SLC17A1: variants seen among roughly 807,000 people sequenced by gnomAD.
SLC17A1 encodes the protein solute carrier family 17 member 1, also known as sodium-dependent phosphate transport protein 1.
Under a neutral mutation model 53.5 loss-of-function variants are expected in SLC17A1, and 51 were observed. The observed-to-expected ratio is 0.95, with a 90% CI of 0.76 to 1.20. The LOEUF (loss-of-function observed/expected upper bound fraction) is 1.20, where lower values mean the gene tolerates loss of function less well. SLC17A1 is among the 50% of genes most tolerant of loss of function. SLC17A1 has a pLI of 0.00. For missense variants in SLC17A1, 538 were observed against 568.2 expected (o/e 0.95, Z 0.54); for synonymous variants, 179 against 198.8 (o/e 0.90, Z 0.84).
intron 5 of SLC17A1, 66 bp from the exon 6 acceptor site, chr6:25,819,220 C>T: frequency 9.0e-7 from 1 of 1,111,824 alleles, no homozygotes; most frequent in Non-Finnish European, 1.3e-6. Context: ...ATAATGTAGC[C>T]TCACTGTAGC....
chr6:25,724,377 C>G, the SLC17A1 span, among the ~76,000 whole-genome samples: 1 of 152,192 alleles, frequency 6.6e-6, no homozygotes, highest in Non-Finnish European at 1.5e-5. Flanking sequence ...GAGCCGAGAT[C>G]ACGCCACTGC....
intron 12 of SLC17A1, among the ~76,000 whole-genome samples, chr6:25,787,641 G>T (rs1763413240): frequency 6.6e-6 from 1 of 152,182 alleles, no homozygotes; most frequent in South Asian, 2.1e-4. Context: ...TCCCTTAGCT[G>T]CTCTGCAGAT....
intron 12 of SLC17A1, among the ~76,000 whole-genome samples, chr6:25,791,080 G>A (rs1227372720): frequency 3.9e-5 from 6 of 152,286 alleles, no homozygotes; most frequent in South Asian, 2.1e-4. Flanking sequence ...ATACTTGACT[G>A]AGGAAAACCT....
At chr6:25,759,495 A>G in the SLC17A1 span, among the ~76,000 whole-genome samples, 1 of 152,112 alleles carries the variant, frequency 6.6e-6, no homozygotes, top group Admixed American at 6.5e-5. Context: ...TTAGGTGCAT[A>G]TATATTTAGG....
the SLC17A1 span, chr6:25,726,215 G>C: frequency 1.2e-6 from 2 of 1,611,726 alleles, no homozygotes; most frequent in Non-Finnish European, 1.7e-6. Context: ...ACTCCGCCCT[G>C]GGCAATGGTC....
intron 12 of SLC17A1, among the ~76,000 whole-genome samples, chr6:25,794,341 CAT>C (rs2151477368): frequency 6.6e-6 from 1 of 152,274 alleles, no homozygotes; most frequent in African/African-American, 2.4e-5. Context: ...TAATAAAAAT[CAT>C]GTTATCATAA....
chr6:25,812,479 AG>A (rs1311048912), intron 8 of SLC17A1, among the ~76,000 whole-genome samples: 1 of 152,228 alleles, frequency 6.6e-6, no homozygotes, highest in African/African-American at 2.4e-5. Context: ...GCAGAGTGAC[AG>A]GGCCTGGCTA....
At chr6:25,738,507 G>T in the SLC17A1 span, among the ~76,000 whole-genome samples, 7 of 148,306 alleles carry the variant, frequency 4.7e-5, no homozygotes, top group South Asian at 7.2e-4. Flanking sequence ...TATGCAAAAA[G>T]TTTTTAGACA....
the SLC17A1 span, chr6:25,770,364 A>T: frequency 6.2e-7 from 1 of 1,614,052 alleles, no homozygotes; most frequent in Non-Finnish European, 8.5e-7. Flanking sequence ...GATCTCCAAG[A>T]ATGGAATTTT....
chr6:25,826,722 G>T, intron 2 of SLC17A1, 89 bp from the exon 3 acceptor site: 1 of 865,286 alleles, frequency 1.2e-6, no homozygotes, highest in Non-Finnish European at 1.6e-6. Context: ...GAAATTTGGA[G>T]CCCTAGATAT....
the SLC17A1 span, chr6:25,732,592 C>A: frequency 1.1e-6 from 1 of 906,418 alleles, no homozygotes; most frequent in Non-Finnish European, 1.7e-6. Flanking sequence ...TACCTGCCGG[C>A]GGTTCTGGAG....
the SLC17A1 span, among the ~76,000 whole-genome samples, chr6:25,755,188 A>G: frequency 3.3e-5 from 5 of 152,172 alleles, no homozygotes; most frequent in Non-Finnish European, 5.9e-5. Context: ...CCACAGTGAG[A>G]CAATAAATGC....
chr6:25,739,949 C>T, the SLC17A1 span, among the ~76,000 whole-genome samples: 1 of 152,088 alleles, frequency 6.6e-6, no homozygotes, highest in Non-Finnish European at 1.5e-5. Context: ...TGTCACATGC[C>T]TGGTTTTGAA....
At chr6:25,815,380 A>T (rs1764312977) in intron 6 of SLC17A1, among the ~76,000 whole-genome samples, 1 of 148,086 alleles carries the variant, frequency 6.8e-6, no homozygotes, top group Non-Finnish European at 1.5e-5. Context: ...AAGAATAAAT[A>T]AAAAAAAAAG....
At chr6:25,763,071 T>C in the SLC17A1 span, among the ~76,000 whole-genome samples, 8,779 of 152,244 alleles carry the variant, frequency 0.058, 458 homozygotes, top group African/African-American at 0.14. Flanking sequence ...ACCACTCACA[T>C]AGTGTCCCTT....
chr6:25,730,616 A>G, the SLC17A1 span, among the ~76,000 whole-genome samples: 3 of 152,200 alleles, frequency 2.0e-5, no homozygotes, highest in African/African-American at 7.2e-5. Flanking sequence ...TTGTATTGAA[A>G]ATTGCAAAGA....
At chr6:25,788,169 C>T (rs968020377) in intron 12 of SLC17A1, among the ~76,000 whole-genome samples, 20 of 152,136 alleles carry the variant, frequency 1.3e-4, no homozygotes, top group Non-Finnish European at 2.2e-4. Flanking sequence ...ACCCTCAGAG[C>T]ATGAGACAGA....
At chr6:25,733,856 G>A in the SLC17A1 span, among the ~76,000 whole-genome samples, 2 of 150,154 alleles carry the variant, frequency 1.3e-5, no homozygotes, top group Non-Finnish European at 3.0e-5. Flanking sequence ...GTATTGCTCT[G>A]TCGCCCAGGC....
the SLC17A1 span, chr6:25,726,161 T>C: frequency 1.3e-6 from 2 of 1,569,204 alleles, no homozygotes; most frequent in Non-Finnish European, 1.7e-6. Flanking sequence ...TGGTGGTGAC[T>C]CTCAGTCTTC....
Sources: allele counts gnomAD v4.1 joint callset (sites outside exome capture counted in the v4.1 genomes callset), GRCh38; gene constraint gnomAD v4.1.1; transcripts MANE v1.5; gene names NCBI Gene and HGNC (gene_info 2026-07-23, HGNC 2026-07-21).